The following CTR9 variants were observed in gnomAD, a reference collection of about 807,000 sequenced individuals.
The protein encoded by CTR9 is CTR9 component of Paf1/RNA polymerase II complex, also known as RNA polymerase-associated protein CTR9 homolog.
A neutral mutation model predicts 152.1 loss-of-function variants in CTR9; 41 were observed. The ratio of observed to expected loss-of-function variants is 0.27; its 90% CI spans 0.21 to 0.35. The LOEUF (loss-of-function observed/expected upper bound fraction) is 0.35. CTR9 is among the 10% of genes least tolerant of loss of function. The pLI, the probability that CTR9 is intolerant of heterozygous loss-of-function variation, is 1.00. For synonymous variants in CTR9, 476 were observed against 496.2 expected, an observed-to-expected ratio of 0.96 and a Z score of 0.54; for missense variants, 917 against 1,424.4, an observed-to-expected ratio of 0.64 and a Z score of 5.73.
chr11:10,779,238 A>T lies in CTR9; in HGVS notation c.*133A>T. Reference sequence around the variant, plus strand: ...GCAATTTTCTTTTCTATCAGTTTGTATATTACTAAGCCCCAAGAGACATTT... The same window carrying T: ...GCAATTTTCTTTTCTATCAGTTTGTTTATTACTAAGCCCCAAGAGACATTT... On this transcript the variant is annotated 3_prime_UTR_variant, in exon 25 of 25. Transcript: ENST00000361367. 1 of 836,770 alleles carries T rather than the reference A, an allele frequency of 1.2e-6. No homozygotes were observed. The highest frequency in any genetic ancestry group is 1.8e-6 in the Non-Finnish European group (1 of 554,190). 51.8% of individuals were successfully genotyped at this position (836,770 alleles called of 1,614,324 possible). A position where few individuals can be genotyped will look rare whatever the true frequency, so the allele number is the denominator to read the frequency against.
chr11:10,772,803 G>T (rs1371577466), intron 20 of CTR9, 148 bp downstream of exon 20: 1 of 826,742 alleles, frequency 1.2e-6, no homozygotes, highest in East Asian at 3.0e-5. Flanking sequence ...GTGGAGGGCG[G>T]ATCACTTGAG....
rs372282219 is a variant in CTR9 at position 10,751,490 on chromosome 11, A to G, written c.45+33A>G. The G allele has an allele frequency of 2.1e-4, 335 of 1,607,928 alleles. 3 individuals are homozygous for G. Among genetic ancestry groups the G allele is most frequent in the African/African-American group, 1.6e-4 (12 of 74,742 alleles). On this transcript the variant is annotated intron_variant, in intron 1 of 24. Transcript: ENST00000361367. ...TCGTGTATGGAGGCGGGTGGGGGCC[A>G]TGAACTTGTACGATCGCCCCCACCG...
At chr11:10,769,227 A>T (rs986996577) in intron 16 of CTR9, among the ~76,000 whole-genome samples, 33 of 152,224 alleles carry the variant, frequency 2.2e-4, no homozygotes, top group African/African-American at 7.7e-4. Context: ...GTCTCGGGAA[A>T]AAAAAGAAAA....
At chr11:10,778,586 A>T in intron 24 of CTR9, 93 bp from the exon 25 acceptor site, 2 of 1,155,834 alleles carry the variant, frequency 1.7e-6, no homozygotes, top group Non-Finnish European at 2.4e-6. Context: ...ATAGAATATT[A>T]AATGCCCTTC....
At position 10,770,430 on chromosome 11, in the gene CTR9, G is replaced by A. The variant is rs746630235; in HGVS notation, c.2227-57G>A. 9 of 1,592,564 alleles carry A rather than the reference G, an allele frequency of 5.7e-6. No individual in the cohort carries two copies. The South Asian group carries it at 9.0e-5, about 16-fold the overall frequency. On this transcript the variant is annotated intron_variant, in intron 17 of 24. Transcript: ENST00000361367. ...ACCTACTACTTAATAATACTCTGCT[G>A]TCTAAGATCCTTTTCATGTCATTTG...
chr11:10,778,591 C>A, intron 24 of CTR9, 88 bp from the exon 25 acceptor site: 1 of 1,200,862 alleles, frequency 8.3e-7, no homozygotes, highest in Non-Finnish European at 1.2e-6. Flanking sequence ...ATATTAAATG[C>A]CCTTCTGTTT....
Position 10,777,054 on chromosome 11 carries a change from A to T in CTR9, c.3095+1421A>T, listed in dbSNP as rs561597538. 4.6e-5 allele frequency among the ~76,000 whole-genome samples: 7 copies of T among 151,622 alleles called. No individual in the cohort carries two copies. The East Asian group carries it at 1.4e-3, about 29-fold the overall frequency. On this transcript the variant is annotated intron_variant, in intron 24 of 24. Transcript: ENST00000361367. ...AAATTTGCATTATTGTTCTCCAGGA[A>T]CCATACCTAGTCTTGAGTTTGGGTG...
Position 10,766,424 on chromosome 11 carries a change from G to A in CTR9, c.1620G>A (p.Met540Ile). The A allele has an allele frequency of 1.2e-6, 2 of 1,611,026 alleles. No homozygotes were observed. Among genetic ancestry groups the A allele is most frequent in the South Asian group, 1.1e-5 (1 of 90,028 alleles). ...YVDCYLRLGA[M>I]ARDKGNFYEA... ...CAGGCTATTTGCGCCTAGGAGCCAT[G>A]GCTAGAGATAAGGGAAACTTTTATG... is the stretch of plus-strand genomic sequence containing the variant. The change falls in exon 13 of 25, where the codon ATG becomes ATA. Residue 540 changes from methionine (M) to isoleucine (I), a missense_variant. Physicochemically the swap from Met to Ile is conservative, Grantham distance 10. This residue lies in a region of CTR9 where 87 missense variants were observed against 235.7 expected (regional missense o/e 0.37). Coordinates refer to ENST00000361367, the MANE Select transcript of CTR9 (RefSeq NM_014633.5).
chr11:10,775,776 A>C, intron 24 of CTR9, 143 bp downstream of exon 24: 1 of 528,022 alleles, frequency 1.9e-6, no homozygotes, highest in Non-Finnish European at 3.2e-6. Context: ...CAGACTTGAA[A>C]ATTGGAGGAA....
At position 10,773,263 on chromosome 11, in the gene CTR9, G is replaced by T; in HGVS notation, c.2717G>T (p.Gly906Val). 6.2e-7 allele frequency: 1 copy of T among 1,611,778 alleles called. No homozygotes were observed. The highest frequency in any genetic ancestry group is 8.5e-7 in the Non-Finnish European group (1 of 1,179,486). Reference protein sequence around the residue: ...EATKEKKRGGGGGRRSKKGGE... With the variant: ...EATKEKKRGGVGGRRSKKGGE... Reference sequence around the variant, plus strand: ...ACAAAAGAGAAGAAAAGAGGTGGTGGTGGTGGACGGGTAAGATATAATTCC... The same window carrying T: ...ACAAAAGAGAAGAAAAGAGGTGGTGTTGGTGGACGGGTAAGATATAATTCC... The change falls in exon 21 of 25, where the codon GGT (glycine) becomes GTT (valine). Residue 906 changes from glycine (G) to valine (V), a missense_variant. Gly to Val is a moderately radical substitution (Grantham distance 109). Transcript: ENST00000361367.
In CTR9 at chr11:10,773,234, A is replaced by G; in HGVS notation, c.2688A>G (p.Glu896=). The G allele has an allele frequency of 1.9e-6, 3 of 1,613,286 alleles. No individual in the cohort carries two copies. The highest frequency in any genetic ancestry group is 2.5e-6 in the Non-Finnish European group (3 of 1,179,828). The change falls in exon 21 of 25, where the codon GAA becomes GAG. Residue 896 remains glutamate, a synonymous_variant. Coordinates refer to ENST00000361367, the MANE Select transcript of CTR9 (RefSeq NM_014633.5). Reference sequence around the variant, plus strand: ...TTCTTATGTTTACTGGTGAGACTGAAGCAACAAAAGAGAAGAAAAGAGGTG... The same window carrying G: ...TTCTTATGTTTACTGGTGAGACTGAGGCAACAAAAGAGAAGAAAAGAGGTG... ...KNILMFTGET[E]ATKEKKRGGG...
chr11:10,761,935 G>A lies in CTR9; in HGVS notation c.742-12G>A. The A allele has an allele frequency of 1.3e-6, 2 of 1,559,526 alleles. No individual in the cohort carries two copies. Among genetic ancestry groups the A allele is most frequent in the Non-Finnish European group, 1.7e-6 (2 of 1,147,402 alleles). ...TGTTTTCACTCCACCTTGTTGCAAT[G>A]TTTTCTTTTAGGCTGATTCCATTAA... On this transcript the variant is annotated splice_polypyrimidine_tract_variant and intron_variant, in intron 6 of 24. Coordinates refer to ENST00000361367, the MANE Select transcript of CTR9 (RefSeq NM_014633.5).
chr11:10,772,145 C>T (rs1024720231), intron 19 of CTR9, among the ~76,000 whole-genome samples: 2 of 151,990 alleles, frequency 1.3e-5, no homozygotes, highest in Non-Finnish European at 2.9e-5. Context: ...CAGCTGAGGT[C>T]AGGAGTTCAA....
At chr11:10,755,473 GGTT>G (rs1288921881) in intron 3 of CTR9, among the ~76,000 whole-genome samples, 2 of 152,116 alleles carry the variant, frequency 1.3e-5, no homozygotes, top group Admixed American at 6.5e-5. Flanking sequence ...TTTTTCTTTT[GGTT>G]GTTGTTATTG....
At position 10,755,707 on chromosome 11, in the gene CTR9, C is replaced by T; in HGVS notation, c.414C>T (p.Cys138=). 4 of 1,612,726 alleles carry T rather than the reference C, an allele frequency of 2.5e-6. No homozygotes were observed. The highest frequency in any genetic ancestry group is 3.4e-6 in the Non-Finnish European group (4 of 1,178,972). The change falls in exon 4 of 25, where the codon TGC becomes TGT. Residue 138 remains cysteine, a synonymous_variant. Coordinates refer to ENST00000361367, the MANE Select transcript of CTR9 (RefSeq NM_014633.5). ...QNHLLGRACF[C]LLEGDKMDQA... ...ATTTGTTGGGAAGAGCCTGCTTCTG[C>T]CTACTTGAGGGTGACAAAATGGATC... is the stretch of plus-strand genomic sequence containing the variant.
At chr11:10,776,780 C>T (rs574263145) in intron 24 of CTR9, among the ~76,000 whole-genome samples, 2 of 152,086 alleles carry the variant, frequency 1.3e-5, no homozygotes, top group East Asian at 3.9e-4. Flanking sequence ...TGAGACCAGC[C>T]TGGCTAACAT....
intron 5 of CTR9, among the ~76,000 whole-genome samples, chr11:10,758,985 G>A (rs768576643): frequency 9.2e-5 from 14 of 152,112 alleles, no homozygotes; most frequent in Admixed American, 2.0e-4. Flanking sequence ...CTTACACCTT[G>A]CACTCCAATA....
chr11:10,769,462 A>G (rs1370576165), intron 16 of CTR9, among the ~76,000 whole-genome samples: 1 of 152,184 alleles, frequency 6.6e-6, no homozygotes, highest in Non-Finnish European at 1.5e-5. Flanking sequence ...ACCTTTTTCT[A>G]AAATGGGTGG....
At chr11:10,766,829 G>A (rs10219256) in intron 13 of CTR9, among the ~76,000 whole-genome samples, 36,501 of 152,046 alleles carry the variant, frequency 0.24, 4,874 homozygotes, top group Non-Finnish European at 0.3. Context: ...AGTACCATAT[G>A]AGAGAACTTT....
Sources: allele counts gnomAD v4.1 joint callset (sites outside exome capture counted in the v4.1 genomes callset), GRCh38; gene constraint gnomAD v4.1.1; regional missense constraint gnomAD v4.1.1; transcripts MANE v1.5; gene names NCBI Gene and HGNC (gene_info 2026-07-23, HGNC 2026-07-21).